RMDN2: variants seen among roughly 807,000 people sequenced by gnomAD.
RMDN2 encodes the protein regulator of microtubule dynamics 2.
RMDN2 carries 61 observed loss-of-function variants against 52.8 expected under a neutral mutation model. The ratio of observed to expected loss-of-function variants is 1.16; its 90% CI spans 0.94 to 1.43. RMDN2 has a LOEUF of 1.43. Among genes scored for constraint, RMDN2 ranks in the 40% most tolerant of loss-of-function variants. RMDN2 has a pLI of 0.00. For missense variants in RMDN2, 592 were observed against 475.3 expected (o/e 1.25, Z -2.28); for synonymous variants, 180 against 153.1 (o/e 1.18, Z -1.30).
intron 2 of RMDN2, among the ~76,000 whole-genome samples, chr2:37,959,827 C>T (rs1004526535): frequency 6.6e-6 from 1 of 150,822 alleles, no homozygotes; most frequent in Admixed American, 6.6e-5. Flanking sequence ...TTAGCTGTGC[C>T]CCAGAGATTC....
At chr2:38,044,551 A>G (rs1343827870) in intron 10 of RMDN2, among the ~76,000 whole-genome samples, 3 of 149,372 alleles carry the variant, frequency 2.0e-5, no homozygotes, top group Admixed American at 6.6e-5. Context: ...CACAGTTGTT[A>G]TATGTTCTGT....
chr2:37,936,242 G>A (rs547607987), intron 2 of RMDN2, among the ~76,000 whole-genome samples: 1 of 152,074 alleles, frequency 6.6e-6, no homozygotes, highest in Non-Finnish European at 1.5e-5. Context: ...TCTTTTTTAG[G>A]GATGCATGGT....
At chr2:38,007,874 C>G (rs950285196) in intron 10 of RMDN2, among the ~76,000 whole-genome samples, 1 of 151,960 alleles carries the variant, frequency 6.6e-6, no homozygotes, top group African/African-American at 2.4e-5. Context: ...CACACTGCTT[C>G]GAATGTGTCC....
At position 37,950,418 on chromosome 2, in the gene RMDN2, TAG is replaced by T. The variant is rs1668628968; in HGVS notation, c.452+20692_452+20693del. 3.1e-6 allele frequency: 5 copies of T among 1,604,984 alleles called. No individual in the cohort carries two copies. The East Asian group carries it at 9.0e-5, about 29-fold the overall frequency. On this transcript the variant is annotated intron_variant, in intron 2 of 10. Transcript: ENST00000354545. Reference sequence around the variant, plus strand: ...AATATAAACTGATGTCATGAGATTCTAGAGTCTGCTGTCATCACATTCTGTGT... The same window carrying T: ...AATATAAACTGATGTCATGAGATTCTAGTCTGCTGTCATCACATTCTGTGT...
At chr2:38,019,178 C>A (rs897472612), downstream of RMDN2, among the ~76,000 whole-genome samples, 1 of 152,146 alleles carries the variant, frequency 6.6e-6, no homozygotes, top group African/African-American at 2.4e-5. Flanking sequence ...AAGGTGAATC[C>A]AGCTAGCACC....
chr2:37,933,216 T>A (rs1350005972), intron 2 of RMDN2, among the ~76,000 whole-genome samples: 1 of 143,280 alleles, frequency 7.0e-6, no homozygotes, highest in Admixed American at 6.9e-5. Flanking sequence ...GATGTGATGG[T>A]GGCCGGGAAG....
intron 10 of RMDN2, among the ~76,000 whole-genome samples, chr2:38,045,057 C>G (rs933807906): frequency 6.6e-6 from 1 of 151,274 alleles, no homozygotes; most frequent in Non-Finnish European, 1.5e-5. Flanking sequence ...TTATTTTTGT[C>G]CTTTTTGTCA....
intron 8 of RMDN2, 23 bp from the exon 9 acceptor site, chr2:38,003,968 C>G (rs963262316): frequency 2.5e-6 from 4 of 1,571,928 alleles, no homozygotes; most frequent in Non-Finnish European, 3.5e-6. Context: ...CTGTTATTCT[C>G]TCATGTTTTT....
At position 38,004,060 on chromosome 2, in the gene RMDN2, G is replaced by A; in HGVS notation, c.1098+16G>A. On this transcript the variant is annotated intron_variant, in intron 9 of 10. Coordinates refer to ENST00000354545, the MANE Select transcript of RMDN2 (RefSeq NM_001170791.3). ...CTTAGCAAAGGTAATGAAGACCACT[G>A]TTCTGCTTTAAGATCACTTTGAACC... 1 of 1,610,268 alleles carries A rather than the reference G, an allele frequency of 6.2e-7. No individual in the cohort carries two copies. Among genetic ancestry groups the A allele is most frequent in the Non-Finnish European group, 8.5e-7 (1 of 1,176,654 alleles).
At chr2:37,932,710 C>T (rs867859695) in intron 2 of RMDN2, among the ~76,000 whole-genome samples, 6 of 149,112 alleles carry the variant, frequency 4.0e-5, no homozygotes, top group Admixed American at 6.6e-5. Flanking sequence ...ACCTCCCTCC[C>T]GGACGGGGCG....
intron 2 of RMDN2, among the ~76,000 whole-genome samples, chr2:37,970,133 A>AAAAC (rs1671601307): frequency 6.6e-6 from 1 of 152,020 alleles, no homozygotes; most frequent in Non-Finnish European, 1.5e-5. Context: ...GTGTTTTGCC[A>AAAAC]TGTTGTGCAG....
At chr2:37,982,046 C>A (rs1490555296) in intron 5 of RMDN2, among the ~76,000 whole-genome samples, 1 of 152,002 alleles carries the variant, frequency 6.6e-6, no homozygotes, top group Non-Finnish European at 1.5e-5. Flanking sequence ...TGGGAAGATA[C>A]AATAATAAAT....
At chr2:38,055,512 G>A (rs568254569) in intron 10 of RMDN2, among the ~76,000 whole-genome samples, 80 of 152,292 alleles carry the variant, frequency 5.3e-4, no homozygotes, top group African/African-American at 1.4e-3. Context: ...AATCAGAAGC[G>A]TAGGAAGCTC....
At chr2:38,037,944 G>C (rs374092508) in intron 10 of RMDN2, among the ~76,000 whole-genome samples, 5 of 152,186 alleles carry the variant, frequency 3.3e-5, no homozygotes, top group African/African-American at 1.2e-4. Flanking sequence ...TTTAAGAGAA[G>C]ATAAACATGT....
chr2:37,976,079 T>C (rs895788342), intron 4 of RMDN2, among the ~76,000 whole-genome samples: 1 of 152,208 alleles, frequency 6.6e-6, no homozygotes, highest in Non-Finnish European at 1.5e-5. Context: ...TCGCAGACTT[T>C]AATGTTTTTT....
chr2:37,971,672 G>A (rs926257272), intron 2 of RMDN2, among the ~76,000 whole-genome samples: 1 of 152,046 alleles, frequency 6.6e-6, no homozygotes, highest in African/African-American at 2.4e-5. Context: ...TCATATGCAT[G>A]TGGGTCTGTT....
At chr2:38,038,630 A>G (rs1365383091) in intron 10 of RMDN2, among the ~76,000 whole-genome samples, 1 of 152,210 alleles carries the variant, frequency 6.6e-6, no homozygotes, top group African/African-American at 2.4e-5. Flanking sequence ...CCAACCACTC[A>G]TCATCAACCT....
intron 10 of RMDN2, among the ~76,000 whole-genome samples, chr2:38,062,930 C>T (rs1682117341): frequency 6.6e-6 from 1 of 152,102 alleles, no homozygotes; most frequent in East Asian, 1.9e-4. Context: ...ATCCATGTCC[C>T]TACAAAGGAC....
At position 37,990,518 on chromosome 2, in the gene RMDN2, C is replaced by CAAAA. The variant is rs397812186; in HGVS notation, c.868-680_868-677dup. Among the ~76,000 whole-genome samples the CAAAA allele has an allele frequency of 3.7e-3, 138 of 37,454 alleles. 9 individuals carry two copies. Among genetic ancestry groups the CAAAA allele is most frequent in the African/African-American group, 9.3e-3 (96 of 10,298 alleles). 24.6% of individuals were successfully genotyped at this position (37,454 alleles called of 152,430 possible). On this transcript the variant is annotated intron_variant, in intron 6 of 10. Transcript: ENST00000354545. ...TGGGCAATAGAATGAGACTCCATCT[C>CAAAA]AAAAAAAAAAAAAAAAAAAAAAAAA...
Sources: gnomAD v4.1 joint callset for allele counts (sites outside exome capture counted in the v4.1 genomes callset) on GRCh38, gnomAD v4.1.1 for gene constraint, MANE v1.5 for transcripts, NCBI Gene and HGNC (gene_info 2026-07-23, HGNC 2026-07-21) for gene names.